KITLG: variants seen among roughly 807,000 people sequenced by gnomAD.
The protein encoded by KITLG is c-Kit ligand.
In KITLG, 13 loss-of-function variants were observed where a neutral mutation model predicts 34.1. The ratio of observed to expected loss-of-function variants is 0.38; its 90% CI spans 0.25 to 0.61. The LOEUF is 0.61. Among genes scored for constraint, KITLG ranks in the 20% least tolerant of loss-of-function variants. The pLI is 0.60. For synonymous variants in KITLG, 110 were observed against 104.0 expected, an observed-to-expected ratio of 1.06 and a Z score of -0.35; for missense variants, 292 against 318.9, an observed-to-expected ratio of 0.92 and a Z score of 0.64.
At chr12:88,525,804 C>T (rs1869842999) in intron 3 of KITLG, among the ~76,000 whole-genome samples, 1 of 152,090 alleles carries the variant, frequency 6.6e-6, no homozygotes, top group African/African-American at 2.4e-5. Context: ...CACCAAGCTC[C>T]AGCATCAAGC....
Position 88,494,960 on chromosome 12 carries a change from GT to G in KITLG, c.*2258del, listed in dbSNP as rs1868570500. The G allele has an allele frequency of 6.6e-6, 1 of 151,928 alleles. No homozygotes were observed. The highest frequency in any genetic ancestry group is 1.5e-5 in the Non-Finnish European group (1 of 67,910). The allele number at this position is 151,928 out of a possible 1,614,324, so 9.4% of individuals were successfully genotyped here. A position where few individuals can be genotyped will look rare whatever the true frequency, so the allele number is the denominator to read the frequency against. On this transcript the variant is annotated 3_prime_UTR_variant, in exon 10 of 10. Coordinates refer to ENST00000644744, the MANE Select transcript of KITLG (RefSeq NM_000899.5). ...CCAAGCAGCTAGCATCCAAAATAAT[GT>G]TCAGCATTTTTCTATTGTTCATGCA... is the stretch of plus-strand genomic sequence containing the variant.
chr12:88,521,113 T>C (rs1319288642), intron 3 of KITLG, among the ~76,000 whole-genome samples: 1 of 152,204 alleles, frequency 6.6e-6, no homozygotes, highest in Non-Finnish European at 1.5e-5. Context: ...ATTGTTTCTT[T>C]GGAAAAGGCT....
intron 1 of KITLG, among the ~76,000 whole-genome samples, chr12:88,566,325 T>C (rs531894233): frequency 2.7e-4 from 41 of 152,358 alleles, no homozygotes; most frequent in African/African-American, 9.9e-4. Flanking sequence ...ATTCATAGTT[T>C]AGTTCAGAAA....
chr12:88,538,526 A>G (rs1036953658), intron 2 of KITLG, among the ~76,000 whole-genome samples: 2 of 152,028 alleles, frequency 1.3e-5, no homozygotes, highest in Admixed American at 6.6e-5. Flanking sequence ...TGGTAGTAAA[A>G]TACCAAGATT....
intron 1 of KITLG, among the ~76,000 whole-genome samples, chr12:88,565,850 A>G (rs1175597429): frequency 6.6e-6 from 1 of 152,202 alleles, no homozygotes; most frequent in East Asian, 1.9e-4. Context: ...CAGGAGACAT[A>G]AAGTATGTAA....
intron 1 of KITLG, among the ~76,000 whole-genome samples, chr12:88,569,666 C>T (rs182358889): frequency 3.9e-5 from 6 of 152,206 alleles, no homozygotes; most frequent in East Asian, 1.9e-4. Context: ...AAGAGGTTTT[C>T]GTTCTTAGGC....
rs545269334 is a variant in KITLG at position 88,507,020 on chromosome 12, C to T, written c.714+8G>A. The T allele has an allele frequency of 1.4e-6, 2 of 1,414,170 alleles. No individual in the cohort carries two copies. Among genetic ancestry groups the T allele is most frequent in the South Asian group, 1.1e-5 (1 of 87,004 alleles). 87.6% of individuals were successfully genotyped at this position (1,414,170 alleles called of 1,614,324 possible). On this transcript the variant is annotated splice_region_variant and intron_variant, in intron 7 of 9. Coordinates refer to ENST00000644744, the MANE Select transcript of KITLG (RefSeq NM_000899.5). The stretch of plus-strand genomic sequence containing the variant: ...CATATTTTTAAAAAAAGGAATGGTA[C>T]CACTTACCTTCCAGTATAAGGCTCC...
rs569132515 is a variant in KITLG at position 88,536,898 on chromosome 12, G to T, written c.130-4395C>A. Among the ~76,000 whole-genome samples the T allele has an allele frequency of 5.3e-5, 8 of 152,168 alleles. No individual in the cohort carries two copies. The East Asian group carries it at 1.5e-3, about 29-fold the overall frequency. On this transcript the variant is annotated intron_variant, in intron 2 of 9. Transcript: ENST00000644744. ...TACCTAATGTAGGTGAGGGGTTGAT[G>T]GCTGCAGCAAACCACCATGGCACGT...
intron 2 of KITLG, chr12:88,534,758 C>T: frequency 2.1e-6 from 1 of 474,168 alleles, no homozygotes; most frequent in Non-Finnish European, 4.1e-6. Context: ...ATTCTTTACA[C>T]TTAACTTTCT....
chr12:88,536,549 G>A (rs1870325087), intron 2 of KITLG, among the ~76,000 whole-genome samples: 1 of 151,948 alleles, frequency 6.6e-6, no homozygotes, highest in African/African-American at 2.4e-5. Flanking sequence ...TGTTTATTGC[G>A]GCACTATTCA....
chr12:88,542,359 T>C (rs1233245696), intron 2 of KITLG, among the ~76,000 whole-genome samples: 1 of 152,162 alleles, frequency 6.6e-6, no homozygotes, highest in Admixed American at 6.6e-5. Context: ...CTATTGATCA[T>C]GTCCATGTTC....
intron 3 of KITLG, among the ~76,000 whole-genome samples, chr12:88,530,813 TAC>T (rs1870056426): frequency 6.6e-6 from 1 of 152,156 alleles, no homozygotes; most frequent in Non-Finnish European, 1.5e-5. Flanking sequence ...CTAAAATGCT[TAC>T]TAATAAAAAG....
chr12:88,526,791 G>T (rs912330359), intron 3 of KITLG, among the ~76,000 whole-genome samples: 7 of 152,014 alleles, frequency 4.6e-5, no homozygotes, highest in Non-Finnish European at 1.0e-4. Context: ...AAGCTATGTG[G>T]CAGCAAGGAA....
chr12:88,531,065 A>C (rs1000541109), intron 3 of KITLG, among the ~76,000 whole-genome samples: 1 of 152,232 alleles, frequency 6.6e-6, no homozygotes, highest in South Asian at 2.1e-4. Flanking sequence ...AACACAGTAC[A>C]GTAGTTGAAA....
chr12:88,510,127 T>A (rs1869223347), intron 6 of KITLG, among the ~76,000 whole-genome samples: 1 of 152,208 alleles, frequency 6.6e-6, no homozygotes. Flanking sequence ...TTCATTTGAC[T>A]AATAATAACC....
intron 1 of KITLG, among the ~76,000 whole-genome samples, chr12:88,556,925 C>A (rs1455475349): frequency 6.6e-6 from 1 of 152,132 alleles, no homozygotes; most frequent in Non-Finnish European, 1.5e-5. Flanking sequence ...CTTAATGGAG[C>A]TGACCTTAAT....
Position 88,507,136 on chromosome 12 carries a change from C to A in KITLG, c.606G>T (p.Arg202Ser). 1 of 1,594,376 alleles carries A rather than the reference C, an allele frequency of 6.3e-7. No individual in the cohort carries two copies. The highest frequency in any genetic ancestry group is 8.6e-7 in the Non-Finnish European group (1 of 1,162,066). The change falls in exon 7 of 10, where the codon AGG (arginine) becomes AGT (serine). Residue 202 changes from arginine to serine, a missense_variant and splice_region_variant. Physicochemically the swap from Arg to Ser is moderately radical, Grantham distance 110. This residue lies in a region of KITLG where 140 missense variants were observed against 111.0 expected (regional missense o/e 1.26). Coordinates refer to ENST00000644744, the MANE Select transcript of KITLG (RefSeq NM_000899.5). ...SLRNDSSSSN[R>S]KAKNPPGDSS... Reference sequence around the variant, plus strand: ...AGTCTCCAGGGGGATTTTTGGCCTTCCCTATAATTTAAAGAACACACTGAT... The same window carrying A: ...AGTCTCCAGGGGGATTTTTGGCCTTACCTATAATTTAAAGAACACACTGAT...
chr12:88,533,083 T>C (rs1870161747), intron 2 of KITLG, among the ~76,000 whole-genome samples: 1 of 152,192 alleles, frequency 6.6e-6, no homozygotes, highest in Non-Finnish European at 1.5e-5. Flanking sequence ...ATGCTACTTA[T>C]GAGATGCAAA....
intron 3 of KITLG, among the ~76,000 whole-genome samples, chr12:88,527,106 G>C (rs937767926): frequency 6.6e-6 from 1 of 152,044 alleles, no homozygotes; most frequent in Non-Finnish European, 1.5e-5. Context: ...CTGACCTCAT[G>C]ATCCACCTGT....
Sources: allele counts gnomAD v4.1 joint callset (sites outside exome capture counted in the v4.1 genomes callset), GRCh38; gene constraint gnomAD v4.1.1; regional missense constraint gnomAD v4.1.1; transcripts MANE v1.5; gene names NCBI Gene and HGNC (gene_info 2026-07-23, HGNC 2026-07-21).